The following ARHGAP15 variants were observed in gnomAD, a reference collection of about 807,000 sequenced individuals.
ARHGAP15 encodes Rho GTPase activating protein 15.
ARHGAP15 carries 51 observed loss-of-function variants against 63.7 expected under a neutral mutation model. The ratio of observed to expected loss-of-function variants is 0.80; its 90% CI spans 0.64 to 1.01. The LOEUF is 1.01. ARHGAP15 is among the 50% of genes least tolerant of loss of function. The pLI is 0.00. For missense variants in ARHGAP15, 560 were observed against 564.6 expected (o/e 0.99, Z 0.08); for synonymous variants, 191 against 193.8 (o/e 0.99, Z 0.12).
chr2:143,234,266 T>C (rs1199060532), intron 5 of ARHGAP15, among the ~76,000 whole-genome samples: 1 of 152,208 alleles, frequency 6.6e-6, no homozygotes, highest in African/African-American at 2.4e-5. Flanking sequence ...TTGTTATAAC[T>C]AGGAGGCATA....
chr2:143,318,056 C>T (rs7577555), intron 6 of ARHGAP15, among the ~76,000 whole-genome samples: 2,890 of 151,692 alleles, frequency 0.019, 97 homozygotes, highest in African/African-American at 0.066. Context: ...TGAAGTGCAG[C>T]GGTGTGATCT....
chr2:143,678,748 G>T (rs767778636), intron 12 of ARHGAP15, among the ~76,000 whole-genome samples: 3 of 152,140 alleles, frequency 2.0e-5, no homozygotes, highest in African/African-American at 4.8e-5. Context: ...TGATTTTGGG[G>T]ATTGGAAAGA....
At chr2:143,310,330 T>G (rs1274162472) in intron 6 of ARHGAP15, among the ~76,000 whole-genome samples, 1 of 152,194 alleles carries the variant, frequency 6.6e-6, no homozygotes, top group Admixed American at 6.6e-5. Context: ...TAACTTTTAG[T>G]CAATTGTAAA....
chr2:143,487,484 G>A lies in ARHGAP15; in HGVS notation c.815G>A (p.Gly272Glu). Residue 272 changes from glycine (G) to glutamate (E), a missense_variant, in exon 9 of 14, where the codon GGA becomes GAA. Coordinates refer to ENST00000295095, the MANE Select transcript of ARHGAP15 (RefSeq NM_018460.4). ...TCCCTGAAAACTCTGCAAGAAAAAG[G>A]ACTTATTAAAGGTACAGGTCATTTT... is the stretch of plus-strand genomic sequence containing the variant. ...RPSLKTLQEK[G>E]LIKDQIFGSH... 6.2e-7 allele frequency: 1 copy of A among 1,612,586 alleles called. No individual in the cohort carries two copies. Among genetic ancestry groups the A allele is most frequent in the Non-Finnish European group, 8.5e-7 (1 of 1,179,566 alleles).
intron 11 of ARHGAP15, among the ~76,000 whole-genome samples, chr2:143,558,217 C>T (rs1020363570): frequency 3.3e-5 from 5 of 152,278 alleles, no homozygotes; most frequent in Non-Finnish European, 7.4e-5. Context: ...CCCACATTTA[C>T]ATACTGTTGT....
intron 6 of ARHGAP15, among the ~76,000 whole-genome samples, chr2:143,378,042 A>G (rs1031511781): frequency 6.6e-6 from 1 of 152,070 alleles, no homozygotes; most frequent in Non-Finnish European, 1.5e-5. Flanking sequence ...CTTTGGAGAT[A>G]AATGCAGAAA....
At chr2:143,764,875 T>A (rs925798032) in intron 13 of ARHGAP15, among the ~76,000 whole-genome samples, 1 of 152,214 alleles carries the variant, frequency 6.6e-6, no homozygotes, top group African/African-American at 2.4e-5. Flanking sequence ...CAAGTCCTAA[T>A]GTTCTACTAC....
At chr2:143,398,932 G>A (rs1294613341) in intron 6 of ARHGAP15, among the ~76,000 whole-genome samples, 1 of 152,060 alleles carries the variant, frequency 6.6e-6, no homozygotes, top group Admixed American at 6.6e-5. Context: ...TTAATTGGAG[G>A]CTGATTCACT....
At chr2:143,312,120 C>A (rs1473782169) in intron 6 of ARHGAP15, among the ~76,000 whole-genome samples, 1 of 152,092 alleles carries the variant, frequency 6.6e-6, no homozygotes, top group Non-Finnish European at 1.5e-5. Flanking sequence ...CAGAATTATA[C>A]AGAGATTGTG....
At chr2:143,454,946 A>C (rs1690575518) in intron 8 of ARHGAP15, among the ~76,000 whole-genome samples, 1 of 152,068 alleles carries the variant, frequency 6.6e-6, no homozygotes, top group Admixed American at 6.6e-5. Context: ...GGAGTTAAAG[A>C]GACTCCAAAT....
intron 1 of ARHGAP15, among the ~76,000 whole-genome samples, chr2:143,134,238 A>T (rs1339040885): frequency 6.6e-6 from 1 of 152,194 alleles, no homozygotes; most frequent in Admixed American, 6.5e-5. Flanking sequence ...CATTTATGAG[A>T]CAAAGGATAA....
At chr2:143,736,267 C>A (rs1685741119) in intron 13 of ARHGAP15, among the ~76,000 whole-genome samples, 1 of 151,916 alleles carries the variant, frequency 6.6e-6, no homozygotes, top group Admixed American at 6.6e-5. Flanking sequence ...CATGGTGGTG[C>A]ATGCTATAAC....
intron 6 of ARHGAP15, among the ~76,000 whole-genome samples, chr2:143,316,711 T>A (rs1472337700): frequency 1.3e-5 from 2 of 151,206 alleles, no homozygotes; most frequent in Non-Finnish European, 2.9e-5. Context: ...TCTGATCAAT[T>A]CTGTCTCCAA....
At chr2:143,358,353 A>C (rs1264304963) in intron 6 of ARHGAP15, among the ~76,000 whole-genome samples, 2 of 152,142 alleles carry the variant, frequency 1.3e-5, no homozygotes, top group African/African-American at 4.8e-5. Flanking sequence ...CTTGTCCCTA[A>C]GCCAGTGCAG....
intron 6 of ARHGAP15, among the ~76,000 whole-genome samples, chr2:143,321,055 C>T (rs938918877): frequency 6.6e-6 from 1 of 152,096 alleles, no homozygotes; most frequent in African/African-American, 2.4e-5. Context: ...GTCATGGGTA[C>T]CCCTGGATGC....
chr2:143,311,946 A>G (rs1278298959), intron 6 of ARHGAP15, among the ~76,000 whole-genome samples: 2 of 152,104 alleles, frequency 1.3e-5, no homozygotes, highest in African/African-American at 2.4e-5. Flanking sequence ...TTTACGTTGC[A>G]TTGTGGGCCT....
chr2:143,284,982 A>G (rs1682024141), intron 6 of ARHGAP15, among the ~76,000 whole-genome samples: 1 of 152,182 alleles, frequency 6.6e-6, no homozygotes, highest in African/African-American at 2.4e-5. Flanking sequence ...GCCTTTGGAA[A>G]TAAATATTAC....
At chr2:143,622,780 TTAAAAAAAAAAAAA>T (rs1319472826) in intron 11 of ARHGAP15, among the ~76,000 whole-genome samples, 1 of 85,270 alleles carries the variant, frequency 1.2e-5, no homozygotes, top group African/African-American at 3.2e-5. Flanking sequence ...GTTCATTTAT[TTAAAAAAAAAAAAA>T]AAAAAAAAAA....
rs748203990 is a variant in ARHGAP15 at position 143,542,099 on chromosome 2, G to A, written c.926-14309G>A. On this transcript the variant is annotated intron_variant, in intron 10 of 13. Coordinates refer to ENST00000295095, the MANE Select transcript of ARHGAP15 (RefSeq NM_018460.4). ...TTGCGGGCACCCCTCCCCCAGCCTC[G>A]CTGCCGCCTTGCAGTTTGATCTCAG... 5.2e-4 allele frequency among the ~76,000 whole-genome samples: 79 copies of A among 152,186 alleles called. 1 individual carries two copies. The highest frequency in any genetic ancestry group is 3.2e-3 in the Middle Eastern group (1 of 316).
Sources: gnomAD v4.1 joint callset for allele counts (sites outside exome capture counted in the v4.1 genomes callset) on GRCh38, gnomAD v4.1.1 for gene constraint, MANE v1.5 for transcripts, NCBI Gene and HGNC (gene_info 2026-07-23, HGNC 2026-07-21) for gene names.